OPCML: variants seen among roughly 807,000 people sequenced by gnomAD.
OPCML encodes the protein opioid-binding protein/cell adhesion molecule.
In OPCML, 13 loss-of-function variants were observed where a neutral mutation model predicts 37.8. That is an observed-to-expected ratio of 0.34 (90% CI 0.22 to 0.55). OPCML has a LOEUF of 0.55. OPCML is among the 20% of genes least tolerant of loss of function. The pLI, the probability that OPCML is intolerant of heterozygous loss-of-function variation, is 0.91. For synonymous variants in OPCML, 176 were observed against 168.8 expected, an observed-to-expected ratio of 1.04 and a Z score of -0.33; for missense variants, 341 against 435.6, an observed-to-expected ratio of 0.78 and a Z score of 1.93.
rs554139770 is a variant in OPCML at position 132,722,749 on chromosome 11, A to G, written c.147-65430T>C. Among the ~76,000 whole-genome samples the G allele has an allele frequency of 6.6e-5, 10 of 152,302 alleles. No individual in the cohort carries two copies. The South Asian group carries it at 1.9e-3, about 28-fold the overall frequency. ...ACTGCCAGCCCTCCATGAACTGGGC[A>G]GGATCAAGTAGAAGAGGTCAGATCC... is the stretch of plus-strand genomic sequence containing the variant. On this transcript the variant is annotated intron_variant, in intron 2 of 7. Coordinates refer to ENST00000524381, the MANE Select transcript of OPCML (RefSeq NM_001012393.5).
At chr11:132,473,342 A>G (rs2096144005) in intron 4 of OPCML, among the ~76,000 whole-genome samples, 1 of 152,128 alleles carries the variant, frequency 6.6e-6, no homozygotes, top group Non-Finnish European at 1.5e-5. Flanking sequence ...TCTGGATGCT[A>G]CTCCCTTATG....
intron 1 of OPCML, among the ~76,000 whole-genome samples, chr11:133,255,732 T>C (rs1316910273): frequency 6.6e-6 from 1 of 152,120 alleles, no homozygotes; most frequent in Non-Finnish European, 1.5e-5. Context: ...CAGTGGGAAA[T>C]ACAAACTAAA....
At chr11:132,905,270 T>G (rs1944201680) in intron 2 of OPCML, among the ~76,000 whole-genome samples, 1 of 150,462 alleles carries the variant, frequency 6.6e-6, no homozygotes, top group African/African-American at 2.5e-5. Flanking sequence ...TCACTCTTGT[T>G]TCCCAGGCTG....
chr11:133,135,827 CTTCT>C (rs1478508238), intron 1 of OPCML, among the ~76,000 whole-genome samples: 4 of 152,182 alleles, frequency 2.6e-5, no homozygotes, highest in Non-Finnish European at 2.9e-5. Context: ...CAAAAGTAGG[CTTCT>C]TTATTTTATT....
At chr11:132,630,734 C>A (rs536540606) in intron 3 of OPCML, among the ~76,000 whole-genome samples, 1 of 152,102 alleles carries the variant, frequency 6.6e-6, no homozygotes, top group Non-Finnish European at 1.5e-5. Flanking sequence ...ATAAACTTCA[C>A]CATCTATCTC....
At chr11:132,722,731 G>T in intron 2 of OPCML, among the ~76,000 whole-genome samples, 1 of 152,262 alleles carries the variant, frequency 6.6e-6, no homozygotes, top group African/African-American at 2.4e-5. Context: ...TCAACTGCCA[G>T]CCCTCCATGA....
At chr11:133,199,143 T>C (rs1200948737) in intron 1 of OPCML, among the ~76,000 whole-genome samples, 1 of 152,040 alleles carries the variant, frequency 6.6e-6, no homozygotes. Context: ...TGGGCAAACC[T>C]AGGTCTTGAG....
chr11:133,080,474 GTTT>G (rs34982227), intron 1 of OPCML, among the ~76,000 whole-genome samples: 1,394 of 129,264 alleles, frequency 0.011, 19 homozygotes, highest in African/African-American at 0.032. Flanking sequence ...GTAATCAAAT[GTTT>G]TTTTTTTTTT....
intron 1 of OPCML, among the ~76,000 whole-genome samples, chr11:133,224,308 G>T (rs1939951030): frequency 6.6e-6 from 1 of 152,216 alleles, no homozygotes; most frequent in Admixed American, 6.5e-5. Flanking sequence ...CCATCCATGT[G>T]TGTGGCCCCA....
intron 2 of OPCML, among the ~76,000 whole-genome samples, chr11:132,669,142 C>T (rs2135810469): frequency 6.6e-6 from 1 of 152,140 alleles, no homozygotes; most frequent in Middle Eastern, 3.4e-3. Context: ...GGCCCACAGG[C>T]CCCAATAGCT....
intron 1 of OPCML, among the ~76,000 whole-genome samples, chr11:133,251,202 C>T (rs1052243443): frequency 7.9e-5 from 12 of 152,158 alleles, no homozygotes; most frequent in African/African-American, 2.9e-4. Flanking sequence ...TGTTTCACGA[C>T]AGTGGGCTAC....
At chr11:132,595,730 A>G (rs1358801818) in intron 3 of OPCML, among the ~76,000 whole-genome samples, 1 of 152,176 alleles carries the variant, frequency 6.6e-6, no homozygotes, top group Non-Finnish European at 1.5e-5. Context: ...ACCAGCACTT[A>G]AGCTGTTAAG....
chr11:133,157,307 G>A (rs2137206609), intron 1 of OPCML, among the ~76,000 whole-genome samples: 1 of 152,304 alleles, frequency 6.6e-6, no homozygotes, highest in South Asian at 2.1e-4. Flanking sequence ...TTGTAAGGAA[G>A]CATCTCGCTG....
chr11:133,159,881 T>C (rs1261317060), intron 1 of OPCML, among the ~76,000 whole-genome samples: 1 of 152,190 alleles, frequency 6.6e-6, no homozygotes, highest in Non-Finnish European at 1.5e-5. Context: ...TGAGGAACAT[T>C]TGTTACCTGG....
chr11:132,570,465 T>C (rs1212319838), intron 3 of OPCML, among the ~76,000 whole-genome samples: 1 of 152,052 alleles, frequency 6.6e-6, no homozygotes, highest in Non-Finnish European at 1.5e-5. Context: ...GATATGCTGA[T>C]TTTCTTTAAT....
chr11:132,500,861 A>G (rs891469334), intron 4 of OPCML, among the ~76,000 whole-genome samples: 1 of 152,196 alleles, frequency 6.6e-6, no homozygotes, highest in African/African-American at 2.4e-5. Flanking sequence ...AGCTTCATCT[A>G]TGTCCCTGCA....
At chr11:133,026,844 T>C (rs1262738389) in intron 1 of OPCML, among the ~76,000 whole-genome samples, 1 of 152,240 alleles carries the variant, frequency 6.6e-6, no homozygotes, top group African/African-American at 2.4e-5. Context: ...GCATTCTTTT[T>C]TCCTGTGAAT....
rs1338672966 is a variant in OPCML, at chr11:133,212,808, G to T, written c.62-269798C>A. On this transcript the variant is annotated intron_variant, in intron 1 of 7. Coordinates refer to ENST00000524381, the MANE Select transcript of OPCML (RefSeq NM_001012393.5). The surrounding 1 kb of genome is among the most constrained non-coding windows in gnomAD (Gnocchi z 4.9). The stretch of plus-strand genomic sequence containing the variant: ...TGGGACCCAACCTGGCCCCCTAGCT[G>T]TTGAGAGGTAAGAGTGAACTCATGA... 6.6e-6 allele frequency among the ~76,000 whole-genome samples: 1 copy of T among 152,192 alleles called. No homozygotes were observed. The highest frequency in any genetic ancestry group is 1.5e-5 in the Non-Finnish European group (1 of 68,044).
chr11:132,453,457 C>T (rs529240507), intron 4 of OPCML, among the ~76,000 whole-genome samples: 17 of 152,250 alleles, frequency 1.1e-4, no homozygotes, highest in African/African-American at 2.4e-4. Flanking sequence ...TCCCCAGGGC[C>T]GGGTGTAATT....
Sources: allele counts gnomAD v4.1 joint callset (sites outside exome capture counted in the v4.1 genomes callset), GRCh38; gene constraint gnomAD v4.1.1; non-coding constraint Gnocchi (gnomAD v3.1); transcripts MANE v1.5; gene names NCBI Gene and HGNC (gene_info 2026-07-23, HGNC 2026-07-21).